The following STYX variants were observed in gnomAD, a reference collection of about 807,000 sequenced individuals.
The protein encoded by STYX is serine/threonine/tyrosine interacting protein.
Under a neutral mutation model 42.7 loss-of-function variants are expected in STYX, and 20 were observed. The ratio of observed to expected loss-of-function variants is 0.47; its 90% confidence interval spans 0.33 to 0.68. The LOEUF (loss-of-function observed/expected upper bound fraction) is 0.68, where lower values mean the gene tolerates loss of function less well. STYX is among the 30% of genes least tolerant of loss of function. The pLI is 0.02. For missense variants in STYX, 226 were observed against 268.5 expected (o/e 0.84, Z 1.11); for synonymous variants, 78 against 81.9 (o/e 0.95, Z 0.26).
Position 52,730,172 on chromosome 14 carries a change from C to G in STYX, c.-303C>G. On this transcript the variant is annotated 5_prime_UTR_variant, in exon 1 of 11. Coordinates refer to ENST00000354586, the MANE Select transcript of STYX (RefSeq NM_145251.4). ...GGGAAGGAGGCGGGGAGACGGTTGT[C>G]GGGCTGGTTCCTGTGCTGGATCCTG... is the stretch of plus-strand genomic sequence containing the variant. The G allele has an allele frequency of 2.3e-6, 1 of 439,234 alleles. No homozygotes were observed. Among genetic ancestry groups the G allele is most frequent in the Non-Finnish European group, 4.0e-6 (1 of 247,126 alleles). The allele number at this position is 439,234 out of a possible 1,614,324, so 27.2% of individuals were successfully genotyped here.
chr14:52,771,185 T>C lies in STYX; in HGVS notation c.*79T>C. On this transcript the variant is annotated 3_prime_UTR_variant, in exon 11 of 11. Coordinates refer to ENST00000354586, the MANE Select transcript of STYX (RefSeq NM_145251.4). ...AAGAGAAAATTATAATGTAAAATGGTAAAAACATAAGTAGTTTTTTTTTCA... is the reference window on the plus strand; with the variant it reads ...AAGAGAAAATTATAATGTAAAATGGCAAAAACATAAGTAGTTTTTTTTTCA... The C allele has an allele frequency of 7.4e-7, 1 of 1,347,396 alleles. No individual in the cohort carries two copies. 83.5% of individuals were successfully genotyped at this position (1,347,396 alleles called of 1,614,324 possible). A position where few individuals can be genotyped will look rare whatever the true frequency, so the allele number is the denominator to read the frequency against.
intron 1 of STYX, among the ~76,000 whole-genome samples, chr14:52,742,789 A>G (rs896264448): frequency 1.3e-5 from 2 of 150,978 alleles, no homozygotes; most frequent in Admixed American, 6.6e-5. Context: ...ATTGCTATGA[A>G]TCTTTTGATT....
chr14:52,733,497 A>C (rs1463275002), intron 1 of STYX, among the ~76,000 whole-genome samples: 1 of 152,152 alleles, frequency 6.6e-6, no homozygotes, highest in African/African-American at 2.4e-5. Context: ...GGCTGCCCCC[A>C]ACCTCAGATG....
chr14:52,769,592 G>A (rs1198675226), intron 10 of STYX, among the ~76,000 whole-genome samples: 4 of 152,106 alleles, frequency 2.6e-5, no homozygotes, highest in Non-Finnish European at 4.4e-5. Context: ...ACTGCCCATA[G>A]TGAGTAATAT....
chr14:52,734,999 G>C (rs1441263741), intron 1 of STYX, among the ~76,000 whole-genome samples: 2 of 152,114 alleles, frequency 1.3e-5, no homozygotes, highest in South Asian at 2.1e-4. Flanking sequence ...GGAGCTTGCA[G>C]TGAGCCGAGA....
chr14:52,743,086 G>A (rs879647966), intron 1 of STYX, among the ~76,000 whole-genome samples: 3 of 151,648 alleles, frequency 2.0e-5, no homozygotes, highest in East Asian at 3.9e-4. Context: ...GTGAGCCACC[G>A]CGCCCGGCTT....
Position 52,751,961 on chromosome 14 carries a change from G to A in STYX, c.242+1181G>A, listed in dbSNP as rs189574700. The stretch of plus-strand genomic sequence containing the variant: ...GCAGATCACCTGAGGTCAGGAGTTC[G>A]AGACCAGCCTGGCCAACATGGCAAA... On this transcript the variant is annotated intron_variant, in intron 4 of 10. Transcript: ENST00000354586. Among the ~76,000 whole-genome samples the A allele has an allele frequency of 3.0e-4, 45 of 152,146 alleles. No individual in the cohort carries two copies. In the East Asian group the frequency reaches 6.8e-3, roughly 23 times the overall value.
intron 5 of STYX, among the ~76,000 whole-genome samples, chr14:52,757,103 G>A (rs1881902840): frequency 1.3e-5 from 2 of 152,062 alleles, no homozygotes; most frequent in African/African-American, 4.8e-5. Context: ...AGAAATTTGA[G>A]GAATCATATT....
At chr14:52,768,784 T>G in intron 9 of STYX, 56 bp from the exon 10 acceptor site, 1 of 1,233,728 alleles carries the variant, frequency 8.1e-7, no homozygotes, top group Non-Finnish European at 1.1e-6. Flanking sequence ...ATCACTATTT[T>G]GGGTATCCAA....
intron 1 of STYX, among the ~76,000 whole-genome samples, chr14:52,736,843 C>T (rs1267963698): frequency 1.3e-5 from 2 of 152,162 alleles, no homozygotes; most frequent in African/African-American, 4.8e-5. Flanking sequence ...TCTTCTGCCC[C>T]TCCAGTCCCT....
At chr14:52,762,957 A>G (rs1461950032) in intron 9 of STYX, among the ~76,000 whole-genome samples, 2 of 131,860 alleles carry the variant, frequency 1.5e-5, no homozygotes, top group Non-Finnish European at 3.0e-5. Context: ...CAGTGGTGCA[A>G]TCTCAACTCA....
chr14:52,744,777 G>A (rs1245320824), intron 1 of STYX, 75 bp from the exon 2 acceptor site: 2 of 1,345,044 alleles, frequency 1.5e-6, no homozygotes, highest in Non-Finnish European at 2.1e-6. Flanking sequence ...ACATACTTGT[G>A]TGTCACATCT....
chr14:52,768,972 A>G, intron 10 of STYX, 39 bp downstream of exon 10: 1 of 1,460,790 alleles, frequency 6.8e-7, no homozygotes, highest in Non-Finnish European at 9.4e-7. Context: ...TTGGGAAGAA[A>G]GATAATGAAA....
In STYX at chr14:52,755,976, G is replaced by T. The variant is rs554664719; in HGVS notation, c.243-575G>T. Among the ~76,000 whole-genome samples, 229 of 152,210 alleles carry T rather than the reference G, an allele frequency of 1.5e-3. No homozygotes were observed. In the South Asian group the frequency reaches 0.017, roughly 11 times the overall value. ...TCTAGAGGAATGTATCTTCCTGCTT[G>T]TGATTTTTCTATTTTAACCAGATGG... On this transcript the variant is annotated intron_variant, in intron 4 of 10. Transcript: ENST00000354586.
At chr14:52,753,458 T>G (rs1201171287) in intron 4 of STYX, among the ~76,000 whole-genome samples, 1 of 152,092 alleles carries the variant, frequency 6.6e-6, no homozygotes, top group Non-Finnish European at 1.5e-5. Context: ...GCACTGGGAT[T>G]TACAGGCGTA....
chr14:52,746,493 TAGATTCATCA>T lies in STYX; in HGVS notation c.144+18_144+27del. 1 of 1,551,792 alleles carries T rather than the reference TAGATTCATCA, an allele frequency of 6.4e-7. No homozygotes were observed. Among genetic ancestry groups the T allele is most frequent in the Non-Finnish European group, 8.6e-7 (1 of 1,159,774 alleles). On this transcript the variant is annotated intron_variant, in intron 3 of 10. Transcript: ENST00000354586. Reference sequence around the variant, plus strand: ...ATGAAAAGCAAGGTATGAACTTTGTTAGATTCATCAAGAGAGACTTTTATTAACCAACTTT... The same window carrying T: ...ATGAAAAGCAAGGTATGAACTTTGTTAGAGAGACTTTTATTAACCAACTTT...
At chr14:52,745,137 T>G (rs79642405) in intron 2 of STYX, among the ~76,000 whole-genome samples, 1 of 131,178 alleles carries the variant, frequency 7.6e-6, no homozygotes, top group African/African-American at 2.8e-5. Flanking sequence ...TTTTTTTTTT[T>G]GAAACAGAGT....
In STYX at chr14:52,759,794, A is replaced by G. The variant is rs889785737; in HGVS notation, c.504+40A>G. The G allele has an allele frequency of 2.2e-6, 3 of 1,360,932 alleles. No homozygotes were observed. The East Asian group carries it at 6.9e-5, about 31-fold the overall frequency. The allele number at this position is 1,360,932 out of a possible 1,614,324, so 84.3% of individuals were successfully genotyped here. A position where few individuals can be genotyped will look rare whatever the true frequency, so the allele number is the denominator to read the frequency against. ...TCTTTAAGGCAATCAGAAGTAAGAT[A>G]TAAAATCTTTTATACATGTAATTTA... On this transcript the variant is annotated intron_variant, in intron 9 of 10. Coordinates refer to ENST00000354586, the MANE Select transcript of STYX (RefSeq NM_145251.4).
intron 1 of STYX, among the ~76,000 whole-genome samples, chr14:52,732,612 T>C (rs922521541): frequency 2.6e-5 from 4 of 151,868 alleles, no homozygotes; most frequent in Non-Finnish European, 5.9e-5. Flanking sequence ...TTTAGGCTAG[T>C]TATAAAAATG....
Sources: allele counts gnomAD v4.1 joint callset (sites outside exome capture counted in the v4.1 genomes callset), GRCh38; gene constraint gnomAD v4.1.1; transcripts MANE v1.5; gene names NCBI Gene and HGNC (gene_info 2026-07-23, HGNC 2026-07-21).